ZBBX: variants seen among roughly 807,000 people sequenced by gnomAD.
ZBBX encodes the protein zinc finger B-box domain-containing protein 1.
Under a neutral mutation model 108.5 loss-of-function variants are expected in ZBBX, and 101 were observed. The observed-to-expected ratio is 0.93, with a 90% CI of 0.79 to 1.10. The LOEUF is 1.10. Among genes scored for constraint, ZBBX ranks in the 50% least tolerant of loss-of-function variants. ZBBX has a pLI of 0.00. For synonymous variants in ZBBX, 356 were observed against 323.4 expected (o/e 1.10, Z -1.08); for missense variants, 1,009 against 941.4 (o/e 1.07, Z -0.94).
chr3:167,262,819 T>C (rs1724786850), intron 20 of ZBBX, among the ~76,000 whole-genome samples: 1 of 152,324 alleles, frequency 6.6e-6, no homozygotes, highest in Non-Finnish European at 1.5e-5. Context: ...GTCTTCTTTT[T>C]CATCACTGAT....
In ZBBX at chr3:167,240,091, G is replaced by A. The variant is rs928617142; in HGVS notation, c.*702C>T. The stretch of plus-strand genomic sequence containing the variant: ...ATTACTTCCCACCAGGTCCCTCCCA[G>A]GACACCTGGAGATTATAGAAACTAC... On this transcript the variant is annotated 3_prime_UTR_variant, in exon 22 of 22. Coordinates refer to ENST00000675490, the MANE Select transcript of ZBBX (RefSeq NM_001199201.2). 3.0e-4 allele frequency among the ~76,000 whole-genome samples: 45 copies of A among 152,088 alleles called. No individual in the cohort carries two copies. The highest frequency in any genetic ancestry group is 1.1e-3 in the African/African-American group (44 of 41,508).
rs771154787 is a variant in ZBBX at position 167,350,400 on chromosome 3, A to G, written c.528+20T>C. ...CATTTTATAAACACACTACAAGTAA[A>G]TCATTTTAGAAAGCCATACCTGCAA... On this transcript the variant is annotated intron_variant, in intron 9 of 21. Coordinates refer to ENST00000675490, the MANE Select transcript of ZBBX (RefSeq NM_001199201.2). The G allele has an allele frequency of 2.6e-6, 4 of 1,555,642 alleles. No homozygotes were observed. The highest frequency in any genetic ancestry group is 3.5e-6 in the Non-Finnish European group (4 of 1,144,546).
intron 5 of ZBBX, among the ~76,000 whole-genome samples, chr3:167,367,982 A>T (rs1407156834): frequency 7.2e-5 from 1 of 13,806 alleles, no homozygotes; most frequent in Non-Finnish European, 1.6e-4. Context: ...ATATATATAT[A>T]TATATACATA....
chr3:167,367,117 G>T (rs905735011), intron 5 of ZBBX, among the ~76,000 whole-genome samples: 2 of 151,802 alleles, frequency 1.3e-5, no homozygotes, highest in African/African-American at 4.8e-5. Flanking sequence ...ATCACTTTGA[G>T]GACTAAACAA....
chr3:167,296,042 C>T (rs142008677), intron 18 of ZBBX, among the ~76,000 whole-genome samples: 2,143 of 151,746 alleles, frequency 0.014, 29 homozygotes, highest in South Asian at 0.026. Flanking sequence ...ATATTAAAAA[C>T]GGTTATACAT....
upstream of ZBBX, among the ~76,000 whole-genome samples, chr3:167,383,889 T>C (rs887596397): frequency 1.3e-5 from 2 of 152,090 alleles, no homozygotes; most frequent in Admixed American, 6.5e-5. Context: ...ATGTAATGTA[T>C]TAAGTACTAC....
rs370756555 is a variant in ZBBX, at chr3:167,274,642, C to A, written c.2254+7596G>T. ...AACAGTTACTGTAAACAGCCTACCC[C>A]CTTCCCGTCAGTTCTAATCAATAAC... On this transcript the variant is annotated intron_variant, in intron 20 of 21. Coordinates refer to ENST00000675490, the MANE Select transcript of ZBBX (RefSeq NM_001199201.2). Among the ~76,000 whole-genome samples, 27 of 152,274 alleles carry A rather than the reference C, an allele frequency of 1.8e-4. No individual in the cohort carries two copies. In the East Asian group the frequency reaches 2.7e-3, roughly 15 times the overall value.
At position 167,314,464 on chromosome 3, in the gene ZBBX, C is replaced by CT. The variant is rs1203369694; in HGVS notation, c.1275-349dup. On this transcript the variant is annotated intron_variant, in intron 15 of 21. Coordinates refer to ENST00000675490, the MANE Select transcript of ZBBX (RefSeq NM_001199201.2). ...TCATTAAAATCTGATGAAATCAAGG[C>CT]TTTACTACTAGATAAACATATTATT... 2.0e-5 allele frequency among the ~76,000 whole-genome samples: 3 copies of CT among 151,946 alleles called. No homozygotes were observed. In the South Asian group the frequency reaches 6.2e-4, roughly 31 times the overall value.
At chr3:167,225,173 A>G in the ZBBX span, among the ~76,000 whole-genome samples, 1 of 151,886 alleles carries the variant, frequency 6.6e-6, no homozygotes, top group African/African-American at 2.4e-5. Flanking sequence ...GTTTAGCCAA[A>G]TATCAGAAAG....
intron 16 of ZBBX, among the ~76,000 whole-genome samples, chr3:167,306,261 ACCT>A (rs1733625934): frequency 6.6e-6 from 1 of 152,064 alleles, no homozygotes; most frequent in African/African-American, 2.4e-5. Context: ...TCACTTTCCC[ACCT>A]CCTCCTCTCA....
Position 167,359,988 on chromosome 3 carries a change from T to TA in ZBBX, c.323-10dup. 1 of 1,454,148 alleles carries TA rather than the reference T, an allele frequency of 6.9e-7. No homozygotes were observed. The highest frequency in any genetic ancestry group is 9.5e-7 in the Non-Finnish European group (1 of 1,056,766). 90.1% of individuals were successfully genotyped at this position (1,454,148 alleles called of 1,614,324 possible). Reference sequence around the variant, plus strand: ...TGTTGGTTTCACTGGCTCTGCAAGATAAAAAATAATATTACTCCAATCATT... The same window carrying TA: ...TGTTGGTTTCACTGGCTCTGCAAGATAAAAAAATAATATTACTCCAATCATT... On this transcript the variant is annotated splice_polypyrimidine_tract_variant and intron_variant, in intron 7 of 21. Transcript: ENST00000675490.
chr3:167,269,908 T>C (rs1253075471), intron 20 of ZBBX, among the ~76,000 whole-genome samples: 2 of 152,196 alleles, frequency 1.3e-5, no homozygotes, highest in African/African-American at 4.8e-5. Context: ...TGAGGCACAT[T>C]CACTTTTAAG....
chr3:167,400,147 A>G (rs1748376551), intron 1 of ZBBX, among the ~76,000 whole-genome samples: 1 of 152,124 alleles, frequency 6.6e-6, no homozygotes, highest in Non-Finnish European at 1.5e-5. Flanking sequence ...TTTATTGTGA[A>G]TAATGCTGCA....
chr3:167,220,943 T>C, the ZBBX span, among the ~76,000 whole-genome samples: 1 of 151,630 alleles, frequency 6.6e-6, no homozygotes, highest in Non-Finnish European at 1.5e-5. Flanking sequence ...GAAAAAGAAA[T>C]CAAGAAAGTA....
At chr3:167,207,769 A>G in the ZBBX span, among the ~76,000 whole-genome samples, 7 of 152,128 alleles carry the variant, frequency 4.6e-5, no homozygotes, top group Non-Finnish European at 8.8e-5. Flanking sequence ...AGGTAGCCAA[A>G]TAGAGGTTTT....
intron 15 of ZBBX, 134 bp downstream of exon 15, chr3:167,315,616 A>G: frequency 1.6e-6 from 1 of 626,870 alleles, no homozygotes; most frequent in Admixed American, 2.9e-5. Flanking sequence ...GCATGGGTTA[A>G]GTAAAATATA....
At chr3:167,271,470 A>C (rs926430529) in intron 20 of ZBBX, among the ~76,000 whole-genome samples, 1 of 152,130 alleles carries the variant, frequency 6.6e-6, no homozygotes, top group Non-Finnish European at 1.5e-5. Context: ...AAAAAGAAAA[A>C]TTAATAAAAA....
the ZBBX span, among the ~76,000 whole-genome samples, chr3:167,179,208 C>T: frequency 2.0e-5 from 3 of 152,214 alleles, no homozygotes; most frequent in African/African-American, 7.2e-5. Flanking sequence ...ACATGGGTGA[C>T]ACCCATTTGC....
chr3:167,190,526 C>A, the ZBBX span, among the ~76,000 whole-genome samples: 251 of 152,036 alleles, frequency 1.7e-3, 1 homozygote, highest in Non-Finnish European at 3.0e-3. Context: ...GACTACAGGT[C>A]CCTGCCACCA....
Sources: gnomAD v4.1 joint callset for allele counts (sites outside exome capture counted in the v4.1 genomes callset) on GRCh38, gnomAD v4.1.1 for gene constraint, MANE v1.5 for transcripts, NCBI Gene and HGNC (gene_info 2026-07-23, HGNC 2026-07-21) for gene names.